Variants in NCOA7 observed in about 807,000 individuals in gnomAD.
NCOA7 encodes the protein nuclear receptor coactivator 7.
In NCOA7, 45 loss-of-function variants were observed where a neutral mutation model predicts 104.3. That is an observed-to-expected ratio of 0.43 (90% CI 0.34 to 0.55). The LOEUF (loss-of-function observed/expected upper bound fraction) is 0.55, where lower values mean the gene tolerates loss of function less well. NCOA7 is among the 20% of genes least tolerant of loss of function. The pLI, the probability that NCOA7 is intolerant of heterozygous loss-of-function variation, is 0.02. For synonymous variants in NCOA7, 398 were observed against 402.3 expected (o/e 0.99, Z 0.13); for missense variants, 1,041 against 1,119.7 (o/e 0.93, Z 1.00).
intron 10 of NCOA7, among the ~76,000 whole-genome samples, chr6:125,895,965 ATGTGTG>A (rs61017866): frequency 1.4e-4 from 20 of 146,080 alleles, no homozygotes; most frequent in African/African-American, 3.0e-4. Context: ...ATATGTATAT[ATGTGTG>A]TGTGTGTGTG....
chr6:125,916,929 A>AT (rs1562182132), intron 11 of NCOA7, among the ~76,000 whole-genome samples: 1 of 152,132 alleles, frequency 6.6e-6, no homozygotes, highest in Non-Finnish European at 1.5e-5. Context: ...TTAATAGTCA[A>AT]TTTTTTTCCA....
chr6:125,896,283 C>T (rs942695866), intron 10 of NCOA7, among the ~76,000 whole-genome samples: 4 of 151,976 alleles, frequency 2.6e-5, no homozygotes, highest in African/African-American at 9.7e-5. Context: ...CATATATACA[C>T]CCACCAGCAT....
Position 125,866,550 on chromosome 6 carries a change from G to A in NCOA7, c.272-8339G>A, listed in dbSNP as rs190300043. Among the ~76,000 whole-genome samples the A allele has an allele frequency of 1.6e-4, 25 of 152,144 alleles. No homozygotes were observed. In the East Asian group the frequency reaches 4.4e-3, roughly 27 times the overall value. On this transcript the variant is annotated intron_variant, in intron 3 of 15. Transcript: ENST00000392477. ...TATCAAATTCTTAGGGTAACTCTTT[G>A]GGAATCCAGCAGTATCTCCATTTTG...
At chr6:125,919,521 AG>A in intron 11 of NCOA7, 1 of 1,295,326 alleles carries the variant, frequency 7.7e-7, no homozygotes, top group Non-Finnish European at 1.1e-6. Flanking sequence ...CGTTCTAATT[AG>A]AAAGGATTGT....
At chr6:125,927,340 T>G (rs889524071) in intron 13 of NCOA7, among the ~76,000 whole-genome samples, 1 of 152,232 alleles carries the variant, frequency 6.6e-6, no homozygotes, top group Non-Finnish European at 1.5e-5. Context: ...TTATGTATAT[T>G]CAATAACAGA....
At chr6:125,806,270 G>GT (rs1172158855) in intron 1 of NCOA7, among the ~76,000 whole-genome samples, 2 of 152,074 alleles carry the variant, frequency 1.3e-5, no homozygotes, top group Non-Finnish European at 1.5e-5. Context: ...GAACCCAGGA[G>GT]GGGGGGATTA....
chr6:125,929,068 AT>A lies in NCOA7; in HGVS notation c.*302del, dbSNP rs1442848439. ...TTTATAGATATATGAGTTGAATGCA[AT>A]TTTTATTTTTGGTAACTGTGAAAAA... is the stretch of plus-strand genomic sequence containing the variant. On this transcript the variant is annotated 3_prime_UTR_variant, in exon 16 of 16. Transcript: ENST00000392477. 3 of 219,782 alleles carry A rather than the reference AT, an allele frequency of 1.4e-5. No individual in the cohort carries two copies. The highest frequency in any genetic ancestry group is 2.7e-5 in the Non-Finnish European group (3 of 112,864). 13.6% of individuals were successfully genotyped at this position (219,782 alleles called of 1,614,324 possible).
At chr6:125,885,463 C>A in intron 8 of NCOA7, 120 bp downstream of exon 8, 3 of 840,264 alleles carry the variant, frequency 3.6e-6, no homozygotes, top group Non-Finnish European at 5.4e-6. Flanking sequence ...AGATGGAAGA[C>A]TTGTGCACTG....
Position 125,889,919 on chromosome 6 carries a change from A to G in NCOA7, c.1865A>G (p.Gln622Arg), listed in dbSNP as rs1784512113. Residue 622 changes from glutamine to arginine, a missense_variant, in exon 9 of 16, where the codon CAA becomes CGA. Gln to Arg is a conservative substitution (Grantham distance 43, BLOSUM62 1). Coordinates refer to ENST00000392477, the MANE Select transcript of NCOA7 (RefSeq NM_181782.5). Reference protein sequence around the residue: ...STLDNSCQGAQMDNKSEVQLW... With the variant: ...STLDNSCQGARMDNKSEVQLW... ...CTGGACAACAGCTGTCAAGGTGCAC[A>G]AATGGATAATAAATCTGAAGTTCAG... The G allele has an allele frequency of 6.3e-7, 1 of 1,586,328 alleles. No individual in the cohort carries two copies. Among genetic ancestry groups the G allele is most frequent in the Non-Finnish European group, 8.5e-7 (1 of 1,170,874 alleles).
intron 11 of NCOA7, among the ~76,000 whole-genome samples, chr6:125,916,759 A>G (rs9388461): frequency 0.16 from 25,045 of 152,106 alleles, 2,244 homozygotes; most frequent in African/African-American, 0.26. Context: ...CTAGGCAGCC[A>G]AGCATTGCTG....
intron 1 of NCOA7, among the ~76,000 whole-genome samples, chr6:125,802,103 G>T (rs1241837669): frequency 6.6e-6 from 1 of 152,072 alleles, no homozygotes; most frequent in Non-Finnish European, 1.5e-5. Flanking sequence ...TTGTCTCCGG[G>T]CTTTGATATC....
rs1189158089 is a variant in NCOA7, at chr6:125,889,656, A to G, written c.1602A>G (p.Pro534=). 6.2e-7 allele frequency: 1 copy of G among 1,614,076 alleles called. No homozygotes were observed. The highest frequency in any genetic ancestry group is 1.1e-5 in the South Asian group (1 of 91,088). The part of the protein sequence containing the change: ...EYYLTKNKEG[P]QVSENLQKTE... ...ACCTGACTAAGAACAAAGAAGGGCC[A>G]CAGGTATCTGAAAATTTGCAGAAAA... The change falls in exon 9 of 16, where the codon CCA becomes CCG. Residue 534 remains proline (P), a synonymous_variant. Transcript: ENST00000392477.
intron 2 of NCOA7, among the ~76,000 whole-genome samples, chr6:125,831,915 G>A (rs1779220363): frequency 2.0e-5 from 3 of 151,990 alleles, no homozygotes; most frequent in Non-Finnish European, 4.4e-5. Flanking sequence ...TCCCCTATAT[G>A]CCTGCCCATT....
At chr6:125,830,594 G>T (rs1779080654) in intron 2 of NCOA7, among the ~76,000 whole-genome samples, 1 of 152,022 alleles carries the variant, frequency 6.6e-6, no homozygotes. Flanking sequence ...CAGGGGCCTA[G>T]GGGTTGGGGT....
chr6:125,915,162 G>C (rs1452640285), intron 10 of NCOA7, among the ~76,000 whole-genome samples, 171 bp from the exon 11 acceptor site: 1 of 152,046 alleles, frequency 6.6e-6, no homozygotes, highest in African/African-American at 2.4e-5. Flanking sequence ...TTATTTGTTG[G>C]CTCTTAATTT....
Position 125,898,533 on chromosome 6 carries a change from A to G in NCOA7, c.2096+7723A>G, listed in dbSNP as rs374524654. Among the ~76,000 whole-genome samples, 5 of 152,312 alleles carry G rather than the reference A, an allele frequency of 3.3e-5. No homozygotes were observed. The South Asian group carries it at 6.2e-4, about 19-fold the overall frequency. On this transcript the variant is annotated intron_variant, in intron 10 of 15. Coordinates refer to ENST00000392477, the MANE Select transcript of NCOA7 (RefSeq NM_181782.5). ...TTGACTTTGTGCTACTCTGATTGTGAATGTAGTACTTGAAAATAACAATTT... is the reference window on the plus strand; with the variant it reads ...TTGACTTTGTGCTACTCTGATTGTGGATGTAGTACTTGAAAATAACAATTT...
At chr6:125,825,563 A>G (rs1778593513) in intron 2 of NCOA7, among the ~76,000 whole-genome samples, 1 of 152,260 alleles carries the variant, frequency 6.6e-6, no homozygotes, top group Non-Finnish European at 1.5e-5. Context: ...TTTAGAAGTT[A>G]CATAATACAT....
intron 13 of NCOA7, among the ~76,000 whole-genome samples, chr6:125,926,025 A>G (rs908389844): frequency 2.0e-5 from 3 of 152,114 alleles, no homozygotes; most frequent in African/African-American, 4.8e-5. Context: ...AATTTTAGCT[A>G]AAAGGCCAGG....
At chr6:125,788,696 T>C (rs1223741174), upstream of NCOA7, among the ~76,000 whole-genome samples, 1 of 126,874 alleles carries the variant, frequency 7.9e-6, no homozygotes, top group Non-Finnish European at 1.7e-5. Flanking sequence ...CACACCCAGC[T>C]AATTTTTTTT....
Sources: allele counts gnomAD v4.1 joint callset (sites outside exome capture counted in the v4.1 genomes callset), GRCh38; gene constraint gnomAD v4.1.1; transcripts MANE v1.5; gene names NCBI Gene and HGNC (gene_info 2026-07-23, HGNC 2026-07-21).